Variants in CSMD2 observed in about 807,000 individuals in gnomAD.
The protein encoded by CSMD2 is CUB and Sushi multiple domains 2, also known as CUB and sushi domain-containing protein 2.
Under a neutral mutation model 398.5 loss-of-function variants are expected in CSMD2, and 130 were observed. The observed-to-expected ratio is 0.33, with a 90% CI of 0.28 to 0.38. The LOEUF (loss-of-function observed/expected upper bound fraction) is 0.38. Ranked by LOEUF, CSMD2 falls within the 10% of genes least tolerant of loss-of-function variation. The pLI is 1.00. For missense variants in CSMD2, 3,829 were observed against 4,764.9 expected (o/e 0.80, Z 5.78); for synonymous variants, 1,828 against 1,908.5 (o/e 0.96, Z 1.10).
intron 64 of CSMD2, among the ~76,000 whole-genome samples, chr1:33,527,610 G>A (rs1654887953): frequency 6.6e-6 from 1 of 152,092 alleles, no homozygotes; most frequent in Non-Finnish European, 1.5e-5. Context: ...AAGTAGTCAG[G>A]AACATGAACA....
At position 33,635,346 on chromosome 1, in the gene CSMD2, G is replaced by C. The variant is rs1642732623; in HGVS notation, c.4970-16C>G. Reference sequence around the variant, plus strand: ...CCACAGGGGGCTGAAAGAGAAACCAGATAGAGAGTCAGGTGACCTTGTGGG... The same window carrying C: ...CCACAGGGGGCTGAAAGAGAAACCACATAGAGAGTCAGGTGACCTTGTGGG... On this transcript the variant is annotated splice_polypyrimidine_tract_variant and intron_variant, in intron 30 of 70. Coordinates refer to ENST00000373381, the MANE Select transcript of CSMD2 (RefSeq NM_001281956.2). The surrounding 1 kb of genome is among the most constrained non-coding windows in gnomAD (Gnocchi z 5.0). 6.7e-7 allele frequency: 1 copy of C among 1,495,378 alleles called. No individual in the cohort carries two copies. The highest frequency in any genetic ancestry group is 1.4e-5 in the African/African-American group (1 of 72,488). The allele number at this position is 1,495,378 out of a possible 1,614,324, so 92.6% of individuals were successfully genotyped here.
At chr1:33,758,413 A>G (rs1219137077) in intron 13 of CSMD2, among the ~76,000 whole-genome samples, 2 of 152,154 alleles carry the variant, frequency 1.3e-5, no homozygotes, top group East Asian at 3.8e-4. Context: ...GCATCTTCCA[A>G]ACCAAATGCT....
chr1:33,843,384 G>A (rs6691300), intron 6 of CSMD2, among the ~76,000 whole-genome samples: 3,154 of 152,234 alleles, frequency 0.021, 119 homozygotes, highest in African/African-American at 0.072. Context: ...CTATGTTGTA[G>A]GTTATCTTTT....
chr1:33,949,024 G>A (rs1290458494), intron 3 of CSMD2, among the ~76,000 whole-genome samples: 2 of 152,170 alleles, frequency 1.3e-5, no homozygotes, highest in Admixed American at 6.5e-5. Flanking sequence ...GATTAGGAGA[G>A]TGGACTCTGG....
At chr1:34,160,024 C>T (rs1023867804) in intron 1 of CSMD2, among the ~76,000 whole-genome samples, 10 of 152,166 alleles carry the variant, frequency 6.6e-5, no homozygotes, top group African/African-American at 1.7e-4. Context: ...CAAGGCTCTG[C>T]GGAGCAATCA....
At chr1:34,142,048 G>A (rs1368956590) in intron 1 of CSMD2, among the ~76,000 whole-genome samples, 1 of 152,092 alleles carries the variant, frequency 6.6e-6, no homozygotes, top group African/African-American at 2.4e-5. Context: ...ATAGAAATGT[G>A]AGCTCCTTAA....
At chr1:34,147,435 G>T (rs1478710241) in intron 1 of CSMD2, among the ~76,000 whole-genome samples, 1 of 151,276 alleles carries the variant, frequency 6.6e-6, no homozygotes, top group Non-Finnish European at 1.5e-5. Context: ...AAGCTTGGCT[G>T]TGGCCAGACT....
chr1:33,559,481 C>G lies in CSMD2; in HGVS notation c.8381-8G>C, dbSNP rs1003851136. On this transcript the variant is annotated splice_polypyrimidine_tract_variant and splice_region_variant and intron_variant, in intron 53 of 70. Transcript: ENST00000373381. This position sits in a 1 kb window ranked among gnomAD's most constrained non-coding sequence, Gnocchi z 4.0. Reference sequence around the variant, plus strand: ...GGTGTCCACAGGTAATTGCTGTAACCAAAACAGAAGATAGGTAAGCCCTCC... The same window carrying G: ...GGTGTCCACAGGTAATTGCTGTAACGAAAACAGAAGATAGGTAAGCCCTCC... The G allele has an allele frequency of 2.9e-5, 45 of 1,535,626 alleles. No individual in the cohort carries two copies. Among genetic ancestry groups the G allele is most frequent in the Non-Finnish European group, 3.8e-5 (43 of 1,146,646 alleles).
chr1:33,887,750 A>G (rs2125194291), intron 5 of CSMD2, among the ~76,000 whole-genome samples: 1 of 152,250 alleles, frequency 6.6e-6, no homozygotes, highest in South Asian at 2.1e-4. Context: ...CTTTAATATA[A>G]TAATTCTGGA....
chr1:33,715,100 CAGG>C (rs1646125544), intron 20 of CSMD2, among the ~76,000 whole-genome samples: 1 of 152,132 alleles, frequency 6.6e-6, no homozygotes, highest in Non-Finnish European at 1.5e-5. Flanking sequence ...ACAGGCTTCC[CAGG>C]AGGATTTCTG....
rs138153318 is a variant in CSMD2, at chr1:33,589,087, T to C, written c.6857-1919A>G. Among the ~76,000 whole-genome samples, 6 of 152,380 alleles carry C rather than the reference T, an allele frequency of 3.9e-5. No individual in the cohort carries two copies. In the East Asian group the frequency reaches 1.2e-3, roughly 29 times the overall value. On this transcript the variant is annotated intron_variant, in intron 44 of 70. Transcript: ENST00000373381. ...ACGCACTCGCTGAAATGTATCGTAC[T>C]GAGAGATACGTAAGCTCTATGAAAT...
Position 34,093,780 on chromosome 1 carries a change from G to T in CSMD2, c.188-4587C>A, listed in dbSNP as rs961376323. ...ATGTGAAAAGACCAAATCTACGTCC[G>T]ATTGGTGTATCTGAAAGTGATGGGG... On this transcript the variant is annotated intron_variant, in intron 1 of 70. Transcript: ENST00000373381. 4.1e-4 allele frequency among the ~76,000 whole-genome samples: 62 copies of T among 152,040 alleles called. 1 individual carries two copies. Among genetic ancestry groups the T allele is most frequent in the African/African-American group, 1.3e-3 (55 of 41,346 alleles).
chr1:33,930,254 A>T (rs1188500747), intron 4 of CSMD2, among the ~76,000 whole-genome samples: 1 of 152,208 alleles, frequency 6.6e-6, no homozygotes, highest in Non-Finnish European at 1.5e-5. Context: ...TAAGGCTGCT[A>T]CTTGTGTCCC....
chr1:33,809,764 A>G (rs1484151376), intron 10 of CSMD2, among the ~76,000 whole-genome samples: 1 of 152,094 alleles, frequency 6.6e-6, no homozygotes, highest in Non-Finnish European at 1.5e-5. Context: ...GATGATGACT[A>G]TCCATGTAGA....
intron 25 of CSMD2, among the ~76,000 whole-genome samples, chr1:33,687,031 C>T (rs1043378326): frequency 9.2e-5 from 14 of 152,190 alleles, no homozygotes; most frequent in South Asian, 2.1e-4. Context: ...AGGAGGGTAC[C>T]CTCTTTAATT....
intron 10 of CSMD2, among the ~76,000 whole-genome samples, chr1:33,798,029 CA>C: frequency 6.6e-6 from 1 of 152,300 alleles, no homozygotes; most frequent in East Asian, 1.9e-4. Context: ...TCAACATACA[CA>C]ATGCTGCAGT....
At chr1:33,768,536 A>ATGTGTGTGTGTGTGTGTGTG (rs60273744) in intron 13 of CSMD2, among the ~76,000 whole-genome samples, 3 of 142,158 alleles carry the variant, frequency 2.1e-5, no homozygotes, top group East Asian at 2.1e-4. Context: ...GTGTGCGTGC[A>ATGTGTGTGTGTGTGTGTGTG]TGTGTGTGTG....
intron 5 of CSMD2, among the ~76,000 whole-genome samples, chr1:33,912,082 T>A (rs1319698536): frequency 1.3e-5 from 2 of 152,192 alleles, no homozygotes; most frequent in Non-Finnish European, 2.9e-5. Context: ...AGTGTCCTCC[T>A]CTGAGCCCTG....
At position 33,524,995 on chromosome 1, in the gene CSMD2, T is replaced by A; in HGVS notation, c.10283A>T (p.Glu3428Val). 1.2e-6 allele frequency: 2 copies of A among 1,614,254 alleles called. No homozygotes were observed. The highest frequency in any genetic ancestry group is 1.7e-6 in the Non-Finnish European group (2 of 1,180,038). Reference protein sequence around the residue: ...AKNSLWKGAYEYQGKKQPAML... With the variant: ...AKNSLWKGAYVYQGKKQPAML... ...GGCTGGCTGCTTCTTCCCCTGGTAT[T>A]CATAGGCCCCTTTCCACAGGGAATT... The change falls in exon 66 of 71, where the codon GAA (glutamate) becomes GTA (valine). Residue 3428 changes from glutamate (E) to valine (V), a missense_variant. Physicochemically the swap from Glu to Val is moderately radical, Grantham distance 121. Around this residue, in one of 5 missense-constraint regions of CSMD2, gnomAD observed 917 missense variants for 1,199.5 expected, o/e 0.76. Transcript: ENST00000373381.
Sources: gnomAD v4.1 joint callset for allele counts (sites outside exome capture counted in the v4.1 genomes callset) on GRCh38, gnomAD v4.1.1 for gene constraint, gnomAD v4.1.1 regional missense constraint, Gnocchi (gnomAD v3.1) non-coding constraint, MANE v1.5 for transcripts, NCBI Gene and HGNC (gene_info 2026-07-23, HGNC 2026-07-21) for gene names.